The following ARHGAP4 variants were observed in gnomAD, a reference collection of about 807,000 sequenced individuals.
The protein encoded by ARHGAP4 is rho GTPase-activating protein 4.
ARHGAP4 carries 25 observed loss-of-function variants against 67.6 expected under a neutral mutation model. The observed-to-expected ratio is 0.37, with a 90% confidence interval of 0.27 to 0.52. The LOEUF (loss-of-function observed/expected upper bound fraction) is 0.52. ARHGAP4 is among the 20% of genes least tolerant of loss of function. ARHGAP4 has a pLI of 0.92. For synonymous variants in ARHGAP4, 448 were observed against 373.7 expected (o/e 1.20, Z -2.29); for missense variants, 804 against 854.6 (o/e 0.94, Z 0.74).
intron 17 of ARHGAP4, 32 bp downstream of exon 17, chrX:153,910,139 C>T: frequency 9.9e-6 from 12 of 1,210,544 alleles, no homozygotes; most frequent in Non-Finnish European, 1.2e-5. Context: ...CCAGTGGACC[C>T]CCCAGTCCCC....
At position 153,912,809 on chromosome X, in the gene ARHGAP4, T is replaced by C. The variant is rs782788316; in HGVS notation, c.1440-7A>G. 11 of 1,198,297 alleles carry C rather than the reference T, an allele frequency of 9.2e-6. No homozygotes were observed. The Admixed American group carries it at 2.2e-4, about 24-fold the overall frequency. On this transcript the variant is annotated splice_region_variant and splice_polypyrimidine_tract_variant and intron_variant, in intron 11 of 21. Transcript: ENST00000350060. Reference sequence around the variant, plus strand: ...TCTCTGTGTGTACTGGGTCCTGCAGTGAATGGGAGCTGGCTCTGAGGGGGC... The same window carrying C: ...TCTCTGTGTGTACTGGGTCCTGCAGCGAATGGGAGCTGGCTCTGAGGGGGC...
rs376883664 is a variant in ARHGAP4 at position 153,909,513 on chromosome X, C to A, written c.2437G>T (p.Ala813Ser). 8.3e-7 allele frequency: 1 copy of A among 1,207,580 alleles called. No homozygotes were observed. Among genetic ancestry groups the A allele is most frequent in the Admixed American group, 2.2e-5 (1 of 45,617 alleles). The stretch of plus-strand genomic sequence containing the variant: ...GACTCCCCTGCAGTCTGCAGCCCTG[C>A]GCCCACCACCTGCTTCTCCGTCCTG... Reference protein sequence around the residue: ...PAGTEKQVVGAGLQTAGESGS... With the variant: ...PAGTEKQVVGSGLQTAGESGS... Residue 813 changes from alanine (A) to serine (S), a missense_variant, in exon 20 of 22, where the codon GCA becomes TCA. Ala to Ser is a moderately conservative substitution (Grantham distance 99). Around this residue, in one of 2 missense-constraint regions of ARHGAP4, gnomAD observed 400 missense variants for 348.7 expected, o/e 1.15. Transcript: ENST00000350060.
chrX:153,920,634 C>T lies in ARHGAP4; in HGVS notation c.673G>A (p.Val225Met), dbSNP rs143269887. 2.0e-4 allele frequency: 239 copies of T among 1,202,311 alleles called. No homozygotes were observed. In the African/African-American group the frequency reaches 3.5e-3, roughly 18 times the overall value. The change falls in exon 5 of 22, where the codon GTG (valine) becomes ATG (methionine). Residue 225 changes from valine to methionine, a missense_variant. This residue lies in a region of ARHGAP4 where 404 missense variants were observed against 505.9 expected (regional missense o/e 0.80). Transcript: ENST00000350060. ...GTGCCCTCCAGGCCCACCTTCTCCA[C>T]CAGCCTCCCTCCCTTCTTGAGGGAG... ...KSSLKKGGRL[V>M]EKRQAKFMEH...
rs373421640 is a variant in ARHGAP4, at chrX:153,912,994, G to A, written c.1439+30C>T. Reference sequence around the variant, plus strand: ...GGAAGAGAAGAGATGGCGGACCGTCGCAGGGCCCCAGCCCTCAGGGAGGAC... The same window carrying A: ...GGAAGAGAAGAGATGGCGGACCGTCACAGGGCCCCAGCCCTCAGGGAGGAC... On this transcript the variant is annotated intron_variant, in intron 11 of 21. Coordinates refer to ENST00000350060, the MANE Select transcript of ARHGAP4 (RefSeq NM_001666.5). The A allele has an allele frequency of 1.2e-3, 1,271 of 1,083,993 alleles. 15 individuals are homozygous for A. The South Asian group carries it at 0.023, about 20-fold the overall frequency. The allele number at this position is 1,083,993 out of a possible 1,213,427, so 89.3% of individuals were successfully genotyped here.
intron 5 of ARHGAP4, chrX:153,919,692 G>T (rs1430055616): frequency 1.8e-5 from 21 of 1,149,452 alleles, no homozygotes; most frequent in Non-Finnish European, 2.2e-5. Flanking sequence ...CAGAGCTGAG[G>T]GGGAACGAGT....
chrX:153,916,717 T>C (rs1557104299), intron 7 of ARHGAP4, among the ~76,000 whole-genome samples: 1 of 113,093 alleles, frequency 8.8e-6, no homozygotes, highest in East Asian at 2.7e-4. Flanking sequence ...GGAAAGGATA[T>C]AGCAGGGATT....
Position 153,921,540 on chromosome X carries a change from G to C in ARHGAP4, c.273-13C>G, listed in dbSNP as rs1370188014. ...GGACGGCTCCTTCCTGGGGGTAGAG[G>C]GGCACTGAGACCTGGGAGCGGAGCT... On this transcript the variant is annotated splice_polypyrimidine_tract_variant and intron_variant, in intron 2 of 21. Coordinates refer to ENST00000350060, the MANE Select transcript of ARHGAP4 (RefSeq NM_001666.5). The C allele has an allele frequency of 2.5e-6, 3 of 1,196,926 alleles. No individual in the cohort carries two copies. In the African/African-American group the frequency reaches 5.2e-5, roughly 21 times the overall value.
intron 5 of ARHGAP4, chrX:153,919,716 G>A: frequency 2.7e-6 from 3 of 1,106,149 alleles, no homozygotes; most frequent in Non-Finnish European, 3.6e-6. Context: ...CCAAAGGGTA[G>A]GGATAGATCA....
At chrX:153,911,654 G>GT (rs375383492) in intron 12 of ARHGAP4, among the ~76,000 whole-genome samples, 8 of 112,186 alleles carry the variant, frequency 7.1e-5, no homozygotes, top group African/African-American at 2.6e-4. Context: ...GCTCATGCCT[G>GT]TAATCCCAGC....
rs782633539 is a variant in ARHGAP4 at position 153,911,944 on chromosome X, C to CAA, written c.1542+754_1542+755dup. Among the ~76,000 whole-genome samples the CAA allele has an allele frequency of 3.6e-5, 4 of 110,151 alleles. No homozygotes were observed. In the East Asian group the frequency reaches 1.1e-3, roughly 31 times the overall value. On this transcript the variant is annotated intron_variant, in intron 12 of 21. Coordinates refer to ENST00000350060, the MANE Select transcript of ARHGAP4 (RefSeq NM_001666.5). Reference sequence around the variant, plus strand: ...AAAAAAAAAAAAAAAGAAAGAAACTCAAAGTGCTCGTTTAAAGAATCTGTT... The same window carrying CAA: ...AAAAAAAAAAAAAAAGAAAGAAACTCAAAAAGTGCTCGTTTAAAGAATCTGTT...
At chrX:153,919,490 C>T (rs1335479402) in intron 5 of ARHGAP4, 1 of 1,120,102 alleles carries the variant, frequency 8.9e-7, no homozygotes, top group Non-Finnish European at 1.2e-6. Context: ...CCCGGCTGTT[C>T]ACCCGCCACT....
chrX:153,920,525 G>A, intron 5 of ARHGAP4, 101 bp downstream of exon 5: 1 of 927,089 alleles, frequency 1.1e-6, no homozygotes, highest in Admixed American at 3.7e-5. Context: ...TGCCACTCCT[G>A]CCCTCCCCTG....
intron 7 of ARHGAP4, among the ~76,000 whole-genome samples, chrX:153,915,342 C>T (rs1490933573): frequency 1.8e-5 from 2 of 111,987 alleles, no homozygotes; most frequent in Non-Finnish European, 3.8e-5. Flanking sequence ...TGCTTCTGCC[C>T]CTGGGCCGCA....
intron 1 of ARHGAP4, among the ~76,000 whole-genome samples, chrX:153,923,371 A>G: frequency 9.0e-6 from 1 of 111,317 alleles, no homozygotes; most frequent in Admixed American, 9.5e-5. Context: ...CAGCATCCCT[A>G]CCTCCTCCCC....
chrX:153,909,023 G>C (rs782137662), intron 21 of ARHGAP4, 47 bp downstream of exon 21: 2 of 1,160,051 alleles, frequency 1.7e-6, no homozygotes, highest in Admixed American at 4.4e-5. Flanking sequence ...GGGAGGCAGA[G>C]ATCCCCCAGG....
intron 3 of ARHGAP4, 85 bp from the exon 4 acceptor site, chrX:153,921,244 C>CG (rs1483067320): frequency 3.5e-5 from 41 of 1,173,815 alleles, no homozygotes; most frequent in Non-Finnish European, 4.2e-5. Context: ...CAAGCCCCAT[C>CG]GGGGGGGCAC....
chrX:153,907,713 C>T lies in ARHGAP4; in HGVS notation c.*16G>A, dbSNP rs1346346335. 1.1e-6 allele frequency: 1 copy of T among 931,548 alleles called. No individual in the cohort carries two copies. The highest frequency in any genetic ancestry group is 2.0e-5 in the African/African-American group (1 of 49,629). 76.8% of individuals were successfully genotyped at this position (931,548 alleles called of 1,213,427 possible). On this transcript the variant is annotated 3_prime_UTR_variant, in exon 22 of 22. Transcript: ENST00000350060. ...GCGGGTAGCCGCCGGGGGCACGCAT[C>T]TCCAGCAGCGGCACCTCAGTGTGGC...
intron 7 of ARHGAP4, among the ~76,000 whole-genome samples, chrX:153,917,571 C>G (rs2065063660): frequency 9.0e-6 from 1 of 111,721 alleles, no homozygotes; most frequent in South Asian, 3.7e-4. Flanking sequence ...GCCTGGGCAA[C>G]ATGGTGAAAC....
Position 153,910,912 on chromosome X carries a change from C to G in ARHGAP4, c.1681+10G>C. ...GAGCCCCCACCCCCGCCCGCCCTGC[C>G]CGTCCCCACCTCTCTCGAAGGCATC... On this transcript the variant is annotated intron_variant, in intron 14 of 21. Coordinates refer to ENST00000350060, the MANE Select transcript of ARHGAP4 (RefSeq NM_001666.5). 1 of 1,155,473 alleles carries G rather than the reference C, an allele frequency of 8.7e-7. No individual in the cohort carries two copies. The highest frequency in any genetic ancestry group is 1.2e-6 in the Non-Finnish European group (1 of 867,612).
Sources: gnomAD v4.1 joint callset for allele counts (sites outside exome capture counted in the v4.1 genomes callset) on GRCh38, gnomAD v4.1.1 for gene constraint, gnomAD v4.1.1 regional missense constraint, MANE v1.5 for transcripts, NCBI Gene and HGNC (gene_info 2026-07-23, HGNC 2026-07-21) for gene names.